Variants in DPP10 observed in about 807,000 individuals in gnomAD.
DPP10 encodes the protein dipeptidyl peptidase like 10.
In DPP10, 33 loss-of-function variants were observed where a neutral mutation model predicts 120.9. The ratio of observed to expected loss-of-function variants is 0.27; its 90% CI spans 0.21 to 0.37. DPP10 has a LOEUF of 0.37. DPP10 is among the 10% of genes least tolerant of loss of function. The pLI, the probability that DPP10 is intolerant of heterozygous loss-of-function variation, is 1.00. For synonymous variants in DPP10, 337 were observed against 326.1 expected (o/e 1.03, Z -0.36); for missense variants, 816 against 942.8 (o/e 0.87, Z 1.76).
intron 1 of DPP10, among the ~76,000 whole-genome samples, chr2:114,909,017 T>A (rs1263912017): frequency 6.6e-6 from 1 of 151,640 alleles, no homozygotes; most frequent in Non-Finnish European, 1.5e-5. Flanking sequence ...TTTCTTAAAG[T>A]TTTTTTTCTT....
At chr2:115,704,234 A>G (rs1391876129) in intron 7 of DPP10, among the ~76,000 whole-genome samples, 2 of 151,774 alleles carry the variant, frequency 1.3e-5, no homozygotes, top group Non-Finnish European at 2.9e-5. Context: ...TGGTAGACCT[A>G]GCCATTTAAA....
chr2:115,213,535 T>C (rs1421056736), intron 1 of DPP10, among the ~76,000 whole-genome samples: 1 of 152,134 alleles, frequency 6.6e-6, no homozygotes, highest in Non-Finnish European at 1.5e-5. Flanking sequence ...TAGACTAAAG[T>C]CTTTTTCTTT....
chr2:115,720,919 G>T (rs1428091631), intron 7 of DPP10, among the ~76,000 whole-genome samples: 1 of 152,182 alleles, frequency 6.6e-6, no homozygotes, highest in Non-Finnish European at 1.5e-5. Context: ...GAATTTGGGT[G>T]GTGGGCCGGG....
At chr2:114,997,324 C>T (rs1180717324) in intron 1 of DPP10, among the ~76,000 whole-genome samples, 11 of 35,994 alleles carry the variant, frequency 3.1e-4, no homozygotes, top group Non-Finnish European at 5.4e-4. Flanking sequence ...CCCGTCTCTA[C>T]TGAAAAAAAA....
intron 3 of DPP10, among the ~76,000 whole-genome samples, chr2:115,447,443 G>T (rs1328436148): frequency 6.6e-6 from 1 of 152,058 alleles, no homozygotes; most frequent in East Asian, 1.9e-4. Context: ...ATATGAAAAG[G>T]GCATGAGATT....
chr2:115,451,884 T>C (rs1219183374), intron 3 of DPP10, among the ~76,000 whole-genome samples: 1 of 80,560 alleles, frequency 1.2e-5, no homozygotes, highest in African/African-American at 3.0e-5. Context: ...GTGTATGTGT[T>C]TGTGTGTGTG....
rs1574216607 is a variant in DPP10 at position 115,263,682 on chromosome 2, T to G, written c.61-45557T>G. ...AAGGCATTATCCTCCATAAACATTC[T>G]ACTCTTGTATAAAAAGTCATTTCAA... On this transcript the variant is annotated intron_variant, in intron 1 of 25. Transcript: ENST00000410059. Among the ~76,000 whole-genome samples, 9 of 152,346 alleles carry G rather than the reference T, an allele frequency of 5.9e-5. 1 individual carries two copies. In the South Asian group the frequency reaches 1.9e-3, roughly 32 times the overall value.
intron 3 of DPP10, among the ~76,000 whole-genome samples, chr2:115,405,165 A>G (rs900607210): frequency 3.9e-5 from 6 of 152,232 alleles, no homozygotes; most frequent in Admixed American, 2.6e-4. Context: ...AAAATAAAAA[A>G]TAAATGTATT....
intron 1 of DPP10, among the ~76,000 whole-genome samples, chr2:114,754,311 G>C (rs1198576055): frequency 2.0e-5 from 3 of 152,158 alleles, no homozygotes; most frequent in Non-Finnish European, 4.4e-5. Flanking sequence ...TTCTTGTCCT[G>C]AGCCAATCAC....
At chr2:114,551,878 A>C (rs1687914142) in intron 1 of DPP10, among the ~76,000 whole-genome samples, 1 of 152,194 alleles carries the variant, frequency 6.6e-6, no homozygotes, top group South Asian at 2.1e-4. Flanking sequence ...TTCAAATACT[A>C]TTGAGAAAAA....
At chr2:114,480,607 A>G (rs1172076826) in intron 1 of DPP10, among the ~76,000 whole-genome samples, 2 of 151,438 alleles carry the variant, frequency 1.3e-5, no homozygotes, top group Non-Finnish European at 2.9e-5. Context: ...TATCGCAAGG[A>G]CAAAAAACCA....
At chr2:114,827,103 T>C (rs930577089) in intron 1 of DPP10, among the ~76,000 whole-genome samples, 1 of 152,054 alleles carries the variant, frequency 6.6e-6, no homozygotes, top group Non-Finnish European at 1.5e-5. Context: ...CTCATTCCTG[T>C]GACCTGCTTG....
chr2:114,482,108 C>G (rs1480828059), intron 1 of DPP10, among the ~76,000 whole-genome samples: 1 of 152,084 alleles, frequency 6.6e-6, no homozygotes, highest in Non-Finnish European at 1.5e-5. Flanking sequence ...CACCAGGTCC[C>G]TTCCTCAATA....
intron 1 of DPP10, among the ~76,000 whole-genome samples, chr2:114,607,850 C>A (rs1046455673): frequency 6.6e-6 from 1 of 152,208 alleles, no homozygotes. Flanking sequence ...TGAGTGCCAC[C>A]GCACCAACCC....
At chr2:115,298,783 A>T (rs2105964484) in intron 1 of DPP10, among the ~76,000 whole-genome samples, 1 of 152,142 alleles carries the variant, frequency 6.6e-6, no homozygotes, top group East Asian at 1.9e-4. Context: ...ATTTTCAACA[A>T]GCTTTCAGAT....
intron 1 of DPP10, among the ~76,000 whole-genome samples, chr2:114,565,070 T>C (rs550181296): frequency 6.6e-6 from 1 of 152,320 alleles, no homozygotes; most frequent in South Asian, 2.1e-4. Flanking sequence ...AGTGTAAGCC[T>C]CCTCTAAGCT....
intron 1 of DPP10, among the ~76,000 whole-genome samples, chr2:114,622,618 T>C (rs1694187590): frequency 6.6e-6 from 1 of 152,116 alleles, no homozygotes; most frequent in African/African-American, 2.4e-5. Flanking sequence ...GGGTGAACAA[T>C]CAGCAAAATA....
intron 1 of DPP10, among the ~76,000 whole-genome samples, chr2:115,070,150 T>C (rs543759131): frequency 3.3e-5 from 5 of 152,226 alleles, no homozygotes; most frequent in African/African-American, 1.2e-4. Context: ...AAATACATTA[T>C]GTGGTGATAA....
chr2:114,729,298 C>A (rs903178052), intron 1 of DPP10, among the ~76,000 whole-genome samples: 1 of 152,186 alleles, frequency 6.6e-6, no homozygotes, highest in African/African-American at 2.4e-5. Context: ...TCCAGGGAAA[C>A]CTGGAGACAG....
Sources: allele counts gnomAD v4.1 joint callset (sites outside exome capture counted in the v4.1 genomes callset), GRCh38; gene constraint gnomAD v4.1.1; transcripts MANE v1.5; gene names NCBI Gene and HGNC (gene_info 2026-07-23, HGNC 2026-07-21).